CALD1: variants seen among roughly 807,000 people sequenced by gnomAD.
The protein encoded by CALD1 is caldesmon.
In CALD1, 33 loss-of-function variants were observed where a neutral mutation model predicts 99.9. The observed-to-expected ratio is 0.33, with a 90% CI of 0.25 to 0.44. The LOEUF (loss-of-function observed/expected upper bound fraction) is 0.44. CALD1 is among the 20% of genes least tolerant of loss of function. CALD1 has a pLI of 1.00. For missense variants in CALD1, 861 were observed against 962.1 expected (o/e 0.89, Z 1.39); for synonymous variants, 310 against 325.0 (o/e 0.95, Z 0.50).
At chr7:134,790,115 G>T (rs1181532385) in intron 1 of CALD1, among the ~76,000 whole-genome samples, 1 of 150,036 alleles carries the variant, frequency 6.7e-6, no homozygotes, top group South Asian at 2.1e-4. Context: ...GAAAGGAGAG[G>T]ACAGAGAGGG....
intron 7 of CALD1, chr7:134,944,632 C>T (rs987652862): frequency 2.0e-5 from 3 of 152,132 alleles, no homozygotes; most frequent in Non-Finnish European, 4.4e-5. Context: ...CTGTACCATT[C>T]TTTACATGTA....
chr7:134,827,712 A>G (rs1799059201), intron 1 of CALD1, among the ~76,000 whole-genome samples: 1 of 152,230 alleles, frequency 6.6e-6, no homozygotes, highest in South Asian at 2.1e-4. Flanking sequence ...ATAAACAGAA[A>G]TGTCAGTCAA....
chr7:134,864,390 A>C (rs1163030531), intron 2 of CALD1, among the ~76,000 whole-genome samples: 1 of 137,702 alleles, frequency 7.3e-6, no homozygotes. Flanking sequence ...GTGATTTGAA[A>C]TCTTTTTTCT....
chr7:134,725,671 C>T, the CALD1 span, among the ~76,000 whole-genome samples: 1 of 152,172 alleles, frequency 6.6e-6, no homozygotes. Context: ...GGATTTTAAT[C>T]CCTGGAACCT....
At chr7:134,954,504 C>G (rs764970184) in intron 9 of CALD1, among the ~76,000 whole-genome samples, 6 of 152,152 alleles carry the variant, frequency 3.9e-5, no homozygotes, top group Admixed American at 6.5e-5. Flanking sequence ...AGGATATTTT[C>G]TAGCAGGAGT....
At chr7:134,852,767 C>A (rs942839038) in intron 2 of CALD1, among the ~76,000 whole-genome samples, 1 of 152,164 alleles carries the variant, frequency 6.6e-6, no homozygotes, top group Non-Finnish European at 1.5e-5. Context: ...TAAGATTCGG[C>A]TGAGAGCTGA....
At chr7:134,793,344 T>C (rs1308253804) in intron 1 of CALD1, among the ~76,000 whole-genome samples, 1 of 150,446 alleles carries the variant, frequency 6.6e-6, no homozygotes, top group Non-Finnish European at 1.5e-5. Context: ...CATTTGTCTC[T>C]TGTCTTTATT....
At position 134,895,472 on chromosome 7, in the gene CALD1, C is replaced by T. The variant is rs1304248150; in HGVS notation, c.71+27668C>T. Among the ~76,000 whole-genome samples the T allele has an allele frequency of 2.8e-4, 42 of 152,060 alleles. 1 individual carries two copies. The highest frequency in any genetic ancestry group is 2.8e-3 in the Admixed American group (42 of 15,258). ...ATCATGCTGTAAAACAGTGATACCTCAGGGGATAAGACTCCCATCCAAAAA... is the reference window on the plus strand; with the variant it reads ...ATCATGCTGTAAAACAGTGATACCTTAGGGGATAAGACTCCCATCCAAAAA... On this transcript the variant is annotated intron_variant, in intron 3 of 14. Coordinates refer to ENST00000361675, the MANE Select transcript of CALD1 (RefSeq NM_033138.4).
the CALD1 span, among the ~76,000 whole-genome samples, chr7:134,711,664 A>C: frequency 0.31 from 19,493 of 63,862 alleles, 1,824 homozygotes; most frequent in South Asian, 0.36. Context: ...CTCTCTCTAT[A>C]TATATATATA....
intron 14 of CALD1, among the ~76,000 whole-genome samples, chr7:134,966,476 C>T (rs1050279156): frequency 2.0e-5 from 3 of 152,220 alleles, no homozygotes; most frequent in Admixed American, 1.3e-4. Context: ...ATGCCAGACA[C>T]TATTCTACCT....
At chr7:134,915,042 G>T (rs1476953355) in intron 3 of CALD1, among the ~76,000 whole-genome samples, 3 of 152,202 alleles carry the variant, frequency 2.0e-5, no homozygotes, top group African/African-American at 7.2e-5. Flanking sequence ...AGCCACCTGT[G>T]TGTCCATTTC....
chr7:134,879,477 T>C (rs548992124), intron 3 of CALD1, among the ~76,000 whole-genome samples: 1 of 152,372 alleles, frequency 6.6e-6, no homozygotes, highest in East Asian at 1.9e-4. Context: ...AAGTACAACT[T>C]TGAATTATTT....
chr7:134,908,027 G>T (rs1563086144), intron 3 of CALD1, among the ~76,000 whole-genome samples: 1 of 152,170 alleles, frequency 6.6e-6, no homozygotes, highest in Non-Finnish European at 1.5e-5. Context: ...AGACTGCTAA[G>T]AATTGTTTTT....
intron 1 of CALD1, among the ~76,000 whole-genome samples, chr7:134,806,829 G>T (rs1347066611): frequency 1.3e-5 from 2 of 152,044 alleles, no homozygotes; most frequent in African/African-American, 4.8e-5. Context: ...GTGTAACATG[G>T]TGGTCAAAGG....
At chr7:134,965,237 AT>A in intron 13 of CALD1, 68 bp from the exon 14 acceptor site, 1 of 799,156 alleles carries the variant, frequency 1.3e-6, no homozygotes, top group Non-Finnish European at 2.3e-6. Flanking sequence ...AGATGTGGCC[AT>A]TTATTTAGAG....
At chr7:134,930,577 G>A (rs951311434) in intron 4 of CALD1, among the ~76,000 whole-genome samples, 1 of 152,138 alleles carries the variant, frequency 6.6e-6, no homozygotes, top group African/African-American at 2.4e-5. Context: ...GCACAATATT[G>A]TTTACCCTTT....
chr7:134,889,312 C>G (rs1586210926), intron 3 of CALD1, among the ~76,000 whole-genome samples: 1 of 152,124 alleles, frequency 6.6e-6, no homozygotes, highest in South Asian at 2.1e-4. Flanking sequence ...GCTCTTGGAC[C>G]CCCTCTCCAT....
At chr7:134,763,045 C>T (rs1055118711) in intron 1 of CALD1, among the ~76,000 whole-genome samples, 1 of 152,140 alleles carries the variant, frequency 6.6e-6, no homozygotes, top group Non-Finnish European at 1.5e-5. Context: ...TCTATCTATA[C>T]CTCTATCTAC....
rs6961421 is a variant in CALD1, at chr7:134,965,226, T to C, written c.2296-80T>C. 4,545 of 770,944 alleles carry C rather than the reference T, an allele frequency of 5.9e-3. 149 individuals are homozygous for C. In the African/African-American group the frequency reaches 0.067, roughly 11 times the overall value. 47.8% of individuals were successfully genotyped at this position (770,944 alleles called of 1,614,324 possible). ...ACAACAAACTGATTCAAATAAACAA[T>C]AGATGTGGCCATTTATTTAGAGCTG... is the stretch of plus-strand genomic sequence containing the variant. On this transcript the variant is annotated intron_variant, in intron 13 of 14. Coordinates refer to ENST00000361675, the MANE Select transcript of CALD1 (RefSeq NM_033138.4).
Sources: allele counts gnomAD v4.1 joint callset (sites outside exome capture counted in the v4.1 genomes callset), GRCh38; gene constraint gnomAD v4.1.1; transcripts MANE v1.5; gene names NCBI Gene and HGNC (gene_info 2026-07-23, HGNC 2026-07-21).